Variants in EFCAB13 observed in about 807,000 individuals in gnomAD.
EFCAB13 encodes EF-hand calcium-binding domain-containing protein 13.
EFCAB13 carries 91 observed loss-of-function variants against 110.2 expected under a neutral mutation model. The observed-to-expected ratio is 0.83, with a 90% CI of 0.70 to 0.98. The LOEUF (loss-of-function observed/expected upper bound fraction) is 0.98. EFCAB13 is among the 50% of genes least tolerant of loss of function. The probability of loss-of-function intolerance (pLI) is 0.00; values close to 1 mark genes in which losing one functional copy is unlikely to be tolerated. For synonymous variants in EFCAB13, 323 were observed against 369.9 expected (o/e 0.87, Z 1.45); for missense variants, 968 against 1,119.4 (o/e 0.86, Z 1.93).
chr17:47,337,351 A>G (rs1468853462), intron 5 of EFCAB13, among the ~76,000 whole-genome samples: 1 of 152,150 alleles, frequency 6.6e-6, no homozygotes, highest in Non-Finnish European at 1.5e-5. Flanking sequence ...AGAATAATAG[A>G]CATTGGGACT....
chr17:47,358,841 C>T (rs184946720), intron 9 of EFCAB13, among the ~76,000 whole-genome samples: 6 of 152,228 alleles, frequency 3.9e-5, no homozygotes, highest in African/African-American at 1.4e-4. Context: ...GTTTAAATGC[C>T]ACAAACCTCA....
chr17:47,328,195 CT>C, intron 3 of EFCAB13, 73 bp from the exon 4 acceptor site: 2 of 722,814 alleles, frequency 2.8e-6, no homozygotes, highest in Admixed American at 2.3e-5. Context: ...GAAGAGATAA[CT>C]TCAGGTAGGT....
chr17:47,324,316 T>A (rs2065267389), intron 1 of EFCAB13, 138 bp from the exon 2 acceptor site: 1 of 152,788 alleles, frequency 6.5e-6, no homozygotes, highest in Admixed American at 6.5e-5. Flanking sequence ...ATGGTGGTTG[T>A]TGTAGAAGGC....
At chr17:47,328,457 A>T (rs2065300672) in intron 4 of EFCAB13, 74 bp downstream of exon 4, 1 of 1,200,878 alleles carries the variant, frequency 8.3e-7, no homozygotes. Flanking sequence ...CCTCATATTC[A>T]TAATCAGTAA....
At chr17:47,423,497 G>A (rs957247371) in intron 23 of EFCAB13, 10 of 242,526 alleles carry the variant, frequency 4.1e-5, no homozygotes, top group Non-Finnish European at 7.9e-5. Flanking sequence ...AACGGGCTCG[G>A]CGCGCAGGTG....
intron 9 of EFCAB13, among the ~76,000 whole-genome samples, chr17:47,360,431 GAAGTGTCTGTTCATA>G (rs1474853058): frequency 1.3e-5 from 2 of 152,186 alleles, no homozygotes; most frequent in African/African-American, 4.8e-5. Flanking sequence ...CTTCTTTTGA[GAAGTGTCTGTTCATA>G]TCCTTTGCCC....
rs1169792099 is a variant in EFCAB13, at chr17:47,398,257, C to A, written c.1945+2280C>A. Among the ~76,000 whole-genome samples, 9 of 146,612 alleles carry A rather than the reference C, an allele frequency of 6.1e-5. 1 individual carries two copies. The East Asian group carries it at 2.2e-3, about 35-fold the overall frequency. ...GGAGGTGGGGGGGTCAGCCCCCCGC[C>A]CGGCCAGCCACCCCGCCCGGGAGGT... On this transcript the variant is annotated intron_variant, in intron 17 of 24. Coordinates refer to ENST00000331493, the MANE Select transcript of EFCAB13 (RefSeq NM_152347.5).
intron 22 of EFCAB13, among the ~76,000 whole-genome samples, chr17:47,414,050 C>T (rs778796155): frequency 6.6e-6 from 1 of 152,156 alleles, no homozygotes; most frequent in African/African-American, 2.4e-5. Flanking sequence ...TTATTTCCTT[C>T]ATATGACTCA....
At chr17:47,354,379 T>C (rs2065469197) in intron 9 of EFCAB13, among the ~76,000 whole-genome samples, 1 of 152,186 alleles carries the variant, frequency 6.6e-6, no homozygotes, top group South Asian at 2.1e-4. Flanking sequence ...TGTAAATTTC[T>C]GTTAGATCAA....
intron 13 of EFCAB13, 64 bp downstream of exon 13, chr17:47,377,967 TATTGGAGGAATTC>T: frequency 1.4e-6 from 2 of 1,406,334 alleles, no homozygotes; most frequent in South Asian, 1.4e-5. Context: ...TAGTATTAAA[TATTGGAGGAATTC>T]CTCTCAATTA....
intron 10 of EFCAB13, among the ~76,000 whole-genome samples, chr17:47,365,583 A>G (rs184754497): frequency 6.6e-6 from 1 of 152,340 alleles, no homozygotes; most frequent in Admixed American, 6.5e-5. Flanking sequence ...TAGAGTAACC[A>G]TAGAACTTTA....
intron 23 of EFCAB13, among the ~76,000 whole-genome samples, chr17:47,416,637 A>G (rs1904457687): frequency 6.6e-6 from 1 of 151,910 alleles, no homozygotes; most frequent in Non-Finnish European, 1.5e-5. Context: ...CTTTCTGTTC[A>G]TGAGTACCCA....
intron 23 of EFCAB13, among the ~76,000 whole-genome samples, chr17:47,424,227 G>A (rs1384725457): frequency 1.3e-5 from 2 of 152,212 alleles, no homozygotes; most frequent in East Asian, 3.9e-4. Flanking sequence ...GGGGGGCTGC[G>A]GGGACTCCCG....
chr17:47,378,734 A>G (rs2136750), intron 13 of EFCAB13, among the ~76,000 whole-genome samples: 96,770 of 151,554 alleles, frequency 0.64, 31,352 homozygotes, highest in African/African-American at 0.73. Flanking sequence ...TAGAGATGGG[A>G]ATCCTTGGTT....
chr17:47,377,946 T>A, intron 13 of EFCAB13, 43 bp downstream of exon 13: 1 of 1,518,704 alleles, frequency 6.6e-7, no homozygotes, highest in Non-Finnish European at 8.9e-7. Flanking sequence ...AAGTTAGATA[T>A]TTTTATCGGA....
At chr17:47,355,540 G>A (rs984210070) in intron 9 of EFCAB13, among the ~76,000 whole-genome samples, 15 of 149,210 alleles carry the variant, frequency 1.0e-4, no homozygotes, top group Admixed American at 3.3e-4. Context: ...GTCATTTAAC[G>A]TAATCCCAAA....
At chr17:47,346,578 A>T (rs182608523) in intron 8 of EFCAB13, among the ~76,000 whole-genome samples, 48 of 152,168 alleles carry the variant, frequency 3.2e-4, no homozygotes, top group Non-Finnish European at 4.4e-4. Context: ...CTTTTGGATA[A>T]ATACCCAGAA....
In EFCAB13 at chr17:47,412,866, A is replaced by G. The variant is rs1231873907; in HGVS notation, c.2372A>G (p.Asn791Ser). 2.5e-6 allele frequency: 4 copies of G among 1,613,898 alleles called. No individual in the cohort carries two copies. Among genetic ancestry groups the G allele is most frequent in the Non-Finnish European group, 3.4e-6 (4 of 1,179,894 alleles). Residue 791 changes from asparagine to serine, a missense_variant, in exon 22 of 25, where the codon AAT (asparagine) becomes AGT (serine). Transcript: ENST00000331493. ...LEHALKCLNVNLTEEDFNEAL... is the reference protein window; with the variant it reads ...LEHALKCLNVSLTEEDFNEAL... ...CATGCCTTGAAATGTTTGAATGTTA[A>G]TTTAACTGAGGAGGACTTCAATGAA...
intron 17 of EFCAB13, among the ~76,000 whole-genome samples, chr17:47,398,014 TGGG>T (rs1243269332): frequency 2.0e-5 from 2 of 101,714 alleles, no homozygotes; most frequent in East Asian, 5.9e-4. Flanking sequence ...GGGAGGGAGG[TGGG>T]GGGATCAGCC....
Sources: allele counts gnomAD v4.1 joint callset (sites outside exome capture counted in the v4.1 genomes callset), GRCh38; gene constraint gnomAD v4.1.1; transcripts MANE v1.5; gene names NCBI Gene and HGNC (gene_info 2026-07-23, HGNC 2026-07-21).